The following GRIP1 variants were observed in gnomAD, a reference collection of about 807,000 sequenced individuals.
GRIP1 encodes the protein glutamate receptor interacting protein 1.
GRIP1 carries 45 observed loss-of-function variants against 129.9 expected under a neutral mutation model. That is an observed-to-expected ratio of 0.35 (90% CI 0.27 to 0.44). The LOEUF is 0.44. Among genes scored for constraint, GRIP1 ranks in the 20% least tolerant of loss-of-function variants. The probability of loss-of-function intolerance (pLI) is 1.00; values close to 1 mark genes in which losing one functional copy is unlikely to be tolerated. For missense variants in GRIP1, 1,196 were observed against 1,396.8 expected (o/e 0.86, Z 2.29); for synonymous variants, 530 against 520.8 (o/e 1.02, Z -0.24).
At chr12:66,810,858 A>G (rs1474687279) in intron 1 of GRIP1, among the ~76,000 whole-genome samples, 1 of 152,314 alleles carries the variant, frequency 6.6e-6, no homozygotes, top group East Asian at 1.9e-4. Flanking sequence ...CCACCTGCCT[A>G]AACAGTGATA....
At chr12:66,540,942 G>A (rs1225867613) in intron 3 of GRIP1, among the ~76,000 whole-genome samples, 1 of 151,966 alleles carries the variant, frequency 6.6e-6, no homozygotes, top group African/African-American at 2.4e-5. Flanking sequence ...GGGATTACAG[G>A]CATGTGCCAT....
At chr12:66,469,970 C>G (rs993053197) in intron 7 of GRIP1, among the ~76,000 whole-genome samples, 1 of 152,168 alleles carries the variant, frequency 6.6e-6, no homozygotes. Context: ...AACCCAGGAG[C>G]CATCCCTGGC....
chr12:66,450,785 A>G (rs974178839), intron 11 of GRIP1, among the ~76,000 whole-genome samples: 1 of 152,156 alleles, frequency 6.6e-6, no homozygotes, highest in African/African-American at 2.4e-5. Context: ...GAAAACTATT[A>G]CCAGATATGA....
At chr12:66,393,669 C>T (rs558607020) in intron 17 of GRIP1, among the ~76,000 whole-genome samples, 103 of 152,118 alleles carry the variant, frequency 6.8e-4, no homozygotes, top group African/African-American at 2.0e-3. Context: ...TGCAGTTTAG[C>T]GGAGGGTGGG....
At chr12:66,644,601 C>T (rs972512051) in intron 1 of GRIP1, among the ~76,000 whole-genome samples, 64 of 152,290 alleles carry the variant, frequency 4.2e-4, no homozygotes, top group African/African-American at 1.5e-3. Flanking sequence ...GATACTCATA[C>T]ACCACTTTCA....
At chr12:66,972,540 TTTAA>T (rs1323256762) in intron 1 of GRIP1, among the ~76,000 whole-genome samples, 7 of 152,226 alleles carry the variant, frequency 4.6e-5, no homozygotes, top group African/African-American at 1.7e-4. Flanking sequence ...TTTTATTTTA[TTTAA>T]TTTTCATTTA....
Position 66,348,957 on chromosome 12 carries a change from T to C in GRIP1, c.*62A>G, listed in dbSNP as rs1430699517. 1.7e-6 allele frequency: 2 copies of C among 1,178,134 alleles called. No individual in the cohort carries two copies. The highest frequency in any genetic ancestry group is 3.4e-5 in the Admixed American group (2 of 59,462). The allele number at this position is 1,178,134 out of a possible 1,614,324, so 73.0% of individuals were successfully genotyped here. ...ATCTGTGCTTCAAAGGTCACAGAAA[T>C]CTTAAAGGATTTTTAGCACCATGTA... On this transcript the variant is annotated 3_prime_UTR_variant, in exon 25 of 25. Coordinates refer to ENST00000359742, the MANE Select transcript of GRIP1 (RefSeq NM_001366722.1).
chr12:66,381,281 T>C (rs2137400021), intron 19 of GRIP1, among the ~76,000 whole-genome samples: 1 of 152,344 alleles, frequency 6.6e-6, no homozygotes, highest in Middle Eastern at 3.4e-3. Flanking sequence ...AAAAGTGTGG[T>C]TAGCCATCTG....
At chr12:66,383,873 G>A (rs1393448668) in intron 19 of GRIP1, among the ~76,000 whole-genome samples, 1 of 152,150 alleles carries the variant, frequency 6.6e-6, no homozygotes. Flanking sequence ...GTAGCTAAGG[G>A]GACTTCTGAG....
intron 1 of GRIP1, among the ~76,000 whole-genome samples, chr12:66,671,782 T>A (rs1347870220): frequency 1.3e-5 from 2 of 152,172 alleles, no homozygotes; most frequent in South Asian, 2.1e-4. Context: ...CTCTATTAGC[T>A]TAAGAAAGCC....
At chr12:66,364,265 C>CAAAAA (rs1159887365) in intron 23 of GRIP1, among the ~76,000 whole-genome samples, 37 of 16,272 alleles carry the variant, frequency 2.3e-3, no homozygotes, top group South Asian at 3.7e-3. Flanking sequence ...GACTCCATCT[C>CAAAAA]AAAAAAAAAA....
At chr12:66,891,749 G>A (rs747116510) in intron 1 of GRIP1, 1 of 152,204 alleles carries the variant, frequency 6.6e-6, no homozygotes, top group East Asian at 1.9e-4. Context: ...AAAGTACCTT[G>A]AGAAAGAGCT....
intron 7 of GRIP1, among the ~76,000 whole-genome samples, chr12:66,511,361 T>C (rs543289004): frequency 2.9e-4 from 44 of 152,236 alleles, no homozygotes; most frequent in African/African-American, 1.0e-3. Flanking sequence ...CTAATACAAA[T>C]ACCAAGCACT....
At chr12:66,954,849 G>C (rs1300232737) in intron 1 of GRIP1, among the ~76,000 whole-genome samples, 1 of 152,086 alleles carries the variant, frequency 6.6e-6, no homozygotes, top group African/African-American at 2.4e-5. Context: ...TGCTATGGGG[G>C]AGGCAGTGGG....
chr12:66,984,137 T>C (rs533634808), intron 1 of GRIP1, among the ~76,000 whole-genome samples: 1 of 152,278 alleles, frequency 6.6e-6, no homozygotes, highest in African/African-American at 2.4e-5. Context: ...AAAGACTGTA[T>C]TTCAAGAGCA....
At chr12:66,566,577 T>G (rs547480538) in intron 2 of GRIP1, among the ~76,000 whole-genome samples, 1 of 152,290 alleles carries the variant, frequency 6.6e-6, no homozygotes. Context: ...TGGTCTAAAA[T>G]TCTTTTTTGT....
intron 1 of GRIP1, among the ~76,000 whole-genome samples, chr12:66,678,446 G>A (rs1333214073): frequency 6.6e-6 from 1 of 152,068 alleles, no homozygotes; most frequent in Non-Finnish European, 1.5e-5. Context: ...CCAGCTGTGC[G>A]AGTCCTGAAT....
At chr12:66,580,904 G>A (rs1230324487) in intron 2 of GRIP1, among the ~76,000 whole-genome samples, 16 of 151,910 alleles carry the variant, frequency 1.1e-4, no homozygotes, top group African/African-American at 2.2e-4. Context: ...TGCATCAAGC[G>A]GACCTAATAG....
At chr12:66,890,007 G>C (rs538157558) in intron 1 of GRIP1, among the ~76,000 whole-genome samples, 1 of 151,854 alleles carries the variant, frequency 6.6e-6, no homozygotes, top group South Asian at 2.1e-4. Context: ...ACGGCTCAAT[G>C]TAGCCTTGAC....
Sources: gnomAD v4.1 joint callset for allele counts (sites outside exome capture counted in the v4.1 genomes callset) on GRCh38, gnomAD v4.1.1 for gene constraint, MANE v1.5 for transcripts, NCBI Gene and HGNC (gene_info 2026-07-23, HGNC 2026-07-21) for gene names.